ALDH18A1: variants seen among roughly 807,000 people sequenced by gnomAD.
ALDH18A1 encodes the protein delta-1-pyrroline-5-carboxylate synthase.
ALDH18A1 carries 44 observed loss-of-function variants against 88.8 expected under a neutral mutation model. The ratio of observed to expected loss-of-function variants is 0.50; its 90% CI spans 0.39 to 0.64. ALDH18A1 has a LOEUF of 0.64. ALDH18A1 is among the 30% of genes least tolerant of loss of function. ALDH18A1 has a pLI of 0.00. For synonymous variants in ALDH18A1, 331 were observed against 372.1 expected (o/e 0.89, Z 1.27); for missense variants, 782 against 1,009.5 (o/e 0.77, Z 3.05).
At chr10:95,653,004 T>C (rs571341299) in intron 2 of ALDH18A1, among the ~76,000 whole-genome samples, 80 of 152,030 alleles carry the variant, frequency 5.3e-4, no homozygotes, top group African/African-American at 1.8e-3. Flanking sequence ...CTGGGCAACA[T>C]GGCAAAATCG....
chr10:95,637,463 TG>T (rs779181060), intron 3 of ALDH18A1, 27 bp from the exon 4 acceptor site: 11 of 1,613,334 alleles, frequency 6.8e-6, no homozygotes, highest in Non-Finnish European at 9.3e-6. Flanking sequence ...GAAAGGGGAC[TG>T]TAAGTTACCG....
At chr10:95,607,383 C>A (rs950845454) in intron 17 of ALDH18A1, among the ~76,000 whole-genome samples, 1 of 152,170 alleles carries the variant, frequency 6.6e-6, no homozygotes, top group Non-Finnish European at 1.5e-5. Context: ...GAAGTCTTAG[C>A]ACAAGGGACT....
At chr10:95,643,986 T>C (rs1227463540) in intron 2 of ALDH18A1, among the ~76,000 whole-genome samples, 1 of 152,108 alleles carries the variant, frequency 6.6e-6, no homozygotes, top group Non-Finnish European at 1.5e-5. Context: ...TCTACTAAAA[T>C]GCAAAACTTA....
rs149574088 is a variant in ALDH18A1 at position 95,642,539 on chromosome 10, C to T, written c.303+453G>A. Among the ~76,000 whole-genome samples the T allele has an allele frequency of 8.4e-4, 128 of 152,178 alleles. No individual in the cohort carries two copies. In the East Asian group the frequency reaches 0.024, roughly 28 times the overall value. On this transcript the variant is annotated intron_variant, in intron 3 of 17. Coordinates refer to ENST00000371224, the MANE Select transcript of ALDH18A1 (RefSeq NM_002860.4). ...CTGAGGTGGGAGTATCACTTGAGCT[C>T]GATAGGTCCAGGCTGCAGTGAGCCA...
chr10:95,642,584 C>T (rs564295723), intron 3 of ALDH18A1, among the ~76,000 whole-genome samples: 1 of 152,304 alleles, frequency 6.6e-6, no homozygotes, highest in African/African-American at 2.4e-5. Flanking sequence ...CACAACAGTC[C>T]AGCCTGGGTG....
intron 7 of ALDH18A1, among the ~76,000 whole-genome samples, chr10:95,629,992 A>G (rs2139598710): frequency 6.6e-6 from 1 of 152,114 alleles, no homozygotes; most frequent in East Asian, 1.9e-4. Flanking sequence ...AGCTTTTTTA[A>G]TTGAACAGAC....
At chr10:95,624,682 C>A (rs905222088) in intron 11 of ALDH18A1, among the ~76,000 whole-genome samples, 1 of 152,148 alleles carries the variant, frequency 6.6e-6, no homozygotes, top group South Asian at 2.1e-4. Context: ...TAGGTGTTCA[C>A]AATGTGAATT....
At chr10:95,633,790 C>T (rs991430415) in intron 5 of ALDH18A1, 141 bp from the exon 6 acceptor site, 3 of 595,890 alleles carry the variant, frequency 5.0e-6, no homozygotes, top group East Asian at 3.4e-5. Flanking sequence ...ATGAAATACA[C>T]ATATCTGGGT....
chr10:95,636,402 A>G (rs2097880731), intron 5 of ALDH18A1, among the ~76,000 whole-genome samples: 1 of 152,188 alleles, frequency 6.6e-6, no homozygotes. Flanking sequence ...GTAGTTGTAC[A>G]GTTGATTAAG....
Position 95,653,290 on chromosome 10 carries a change from G to A in ALDH18A1, c.88C>T (p.His30Tyr), listed in dbSNP as rs113678237. The A allele has an allele frequency of 4.6e-5, 74 of 1,610,250 alleles. 1 individual carries two copies. In the African/African-American group the frequency reaches 5.1e-4, roughly 11 times the overall value. The change falls in exon 2 of 18, where the codon CAT becomes TAT. Residue 30 changes from histidine (H) to tyrosine (Y), a missense_variant and splice_region_variant. Coordinates refer to ENST00000371224, the MANE Select transcript of ALDH18A1 (RefSeq NM_002860.4). The stretch of plus-strand genomic sequence containing the variant: ...CTCATAAGTTTTCTATGGTACATAC[G>A]AGATCTGAAGACGGTTGTACACTTG... Reference protein sequence around the residue: ...WVKCTTVFRSHCIQPSVIRHV... With the variant: ...WVKCTTVFRSYCIQPSVIRHV...
chr10:95,649,214 T>C (rs2097906038), intron 2 of ALDH18A1, among the ~76,000 whole-genome samples: 1 of 148,468 alleles, frequency 6.7e-6, no homozygotes, highest in Admixed American at 6.7e-5. Flanking sequence ...ATACAAAAAT[T>C]AACTCAAAAT....
At chr10:95,623,511 G>A (rs1281027651) in intron 11 of ALDH18A1, among the ~76,000 whole-genome samples, 1 of 151,820 alleles carries the variant, frequency 6.6e-6, no homozygotes, top group South Asian at 2.1e-4. Flanking sequence ...AGGTTCAAGC[G>A]ATTCTCCTGC....
chr10:95,609,535 T>G (rs887329550), intron 17 of ALDH18A1, among the ~76,000 whole-genome samples: 14 of 152,240 alleles, frequency 9.2e-5, no homozygotes, highest in African/African-American at 3.4e-4. Context: ...GCCCACGCTG[T>G]AGCGGGAGAA....
At position 95,616,162 on chromosome 10, in the gene ALDH18A1, A is replaced by G. The variant is rs370696024; in HGVS notation, c.1605+315T>C. Among the ~76,000 whole-genome samples, 24 of 152,318 alleles carry G rather than the reference A, an allele frequency of 1.6e-4. No homozygotes were observed. In the South Asian group the frequency reaches 4.6e-3, roughly 29 times the overall value. On this transcript the variant is annotated intron_variant, in intron 13 of 17. Coordinates refer to ENST00000371224, the MANE Select transcript of ALDH18A1 (RefSeq NM_002860.4). ...TGACTTACCCTAGATCACTCTGCCA[A>G]TGACAGGAACCTAGGCCTCACACTC...
At chr10:95,615,879 A>C (rs1464815433) in intron 13 of ALDH18A1, among the ~76,000 whole-genome samples, 1 of 152,194 alleles carries the variant, frequency 6.6e-6, no homozygotes, top group Non-Finnish European at 1.5e-5. Context: ...CAATGTAGAA[A>C]ATGAGTCTAA....
chr10:95,641,933 C>T (rs989527479), intron 3 of ALDH18A1, among the ~76,000 whole-genome samples: 2 of 152,148 alleles, frequency 1.3e-5, no homozygotes, highest in Admixed American at 6.5e-5. Context: ...CAAGTCACCA[C>T]ACCCAACCGA....
chr10:95,647,363 A>C (rs575071817), intron 2 of ALDH18A1, among the ~76,000 whole-genome samples: 1 of 152,238 alleles, frequency 6.6e-6, no homozygotes, highest in East Asian at 1.9e-4. Flanking sequence ...TAACTATCTC[A>C]TAAGGTTGGT....
At chr10:95,642,830 CTCACTGGCG>C (rs2097894320) in intron 3 of ALDH18A1, among the ~76,000 whole-genome samples, 153 bp downstream of exon 3, 1 of 152,250 alleles carries the variant, frequency 6.6e-6, no homozygotes, top group African/African-American at 2.4e-5. Flanking sequence ...GATGTCGTCT[CTCACTGGCG>C]TCTACAGTGG....
At chr10:95,631,002 A>AGGTCCTGCCAT (rs2097868277) in intron 7 of ALDH18A1, among the ~76,000 whole-genome samples, 1 of 152,212 alleles carries the variant, frequency 6.6e-6, no homozygotes, top group Non-Finnish European at 1.5e-5. Context: ...AACAGAGAAC[A>AGGTCCTGCCAT]GGTCCTGCCA....
Sources: gnomAD v4.1 joint callset for allele counts (sites outside exome capture counted in the v4.1 genomes callset) on GRCh38, gnomAD v4.1.1 for gene constraint, MANE v1.5 for transcripts, NCBI Gene and HGNC (gene_info 2026-07-23, HGNC 2026-07-21) for gene names.